The following JADE3 variants were observed in gnomAD, a reference collection of about 807,000 sequenced individuals.
JADE3 encodes the protein jade family PHD finger 3, also known as protein Jade-3.
In JADE3, 2 loss-of-function variants were observed where a neutral mutation model predicts 50.1. The observed-to-expected ratio is 0.04, with a 90% confidence interval of 0.02 to 0.13. JADE3 has a LOEUF of 0.13. JADE3 is among the 10% of genes least tolerant of loss of function. The pLI, the probability that JADE3 is intolerant of heterozygous loss-of-function variation, is 1.00. For synonymous variants in JADE3, 218 were observed against 232.9 expected, an observed-to-expected ratio of 0.94 and a Z score of 0.58; for missense variants, 475 against 634.4, an observed-to-expected ratio of 0.75 and a Z score of 2.70.
At chrX:46,948,116 A>G (rs1449857215) in intron 1 of JADE3, among the ~76,000 whole-genome samples, 2 of 111,977 alleles carry the variant, frequency 1.8e-5, no homozygotes, top group African/African-American at 6.5e-5. Context: ...AGCCTGTGGG[A>G]GTTTTTAAGA....
rs1926907132 is a variant in JADE3, at chrX:46,947,380, G to A, written c.-12+34661G>A. 2.7e-5 allele frequency among the ~76,000 whole-genome samples: 3 copies of A among 111,572 alleles called. 1 individual carries two copies. The Middle Eastern group carries it at 0.014, about 509-fold the overall frequency. The stretch of plus-strand genomic sequence containing the variant: ...TTGAGCCCGGAGGGGTAGATACTTG[G>A]ACATGGACTGTATCTCCTCTGGACC... On this transcript the variant is annotated intron_variant, in intron 1 of 10. Transcript: ENST00000614628.
At chrX:46,948,404 C>G (rs1926929571) in intron 1 of JADE3, among the ~76,000 whole-genome samples, 1 of 112,066 alleles carries the variant, frequency 8.9e-6, no homozygotes, top group Non-Finnish European at 1.9e-5. Context: ...TTGATGCTAA[C>G]TCATGAAATT....
intron 1 of JADE3, among the ~76,000 whole-genome samples, chrX:46,967,303 AT>A (rs1242071981): frequency 3.1e-4 from 35 of 111,900 alleles, no homozygotes; most frequent in African/African-American, 1.1e-3. Context: ...GCTCACAGGT[AT>A]TTTTTTGACA....
At chrX:47,027,190 G>T (rs1928925453) in intron 5 of JADE3, among the ~76,000 whole-genome samples, 1 of 112,282 alleles carries the variant, frequency 8.9e-6, no homozygotes, top group East Asian at 2.8e-4. Context: ...AGTGTGGAAG[G>T]CTAAGATAAA....
Position 46,984,878 on chromosome X carries a change from T to C in JADE3, c.-11-6T>C, listed in dbSNP as rs782167039. ...CTGTTTTATTCAGTGTTTTTCTTTTTCCCAGGATGCTCCAGGATGAAACGC... is the reference window on the plus strand; with the variant it reads ...CTGTTTTATTCAGTGTTTTTCTTTTCCCCAGGATGCTCCAGGATGAAACGC... On this transcript the variant is annotated splice_region_variant and splice_polypyrimidine_tract_variant and intron_variant, in intron 1 of 10. Coordinates refer to ENST00000614628, the MANE Select transcript of JADE3 (RefSeq NM_014735.5). 2 of 1,204,674 alleles carry C rather than the reference T, an allele frequency of 1.7e-6. No homozygotes were observed. The highest frequency in any genetic ancestry group is 1.8e-5 in the South Asian group (1 of 56,770).
At chrX:46,934,996 C>T (rs1926583865) in intron 1 of JADE3, among the ~76,000 whole-genome samples, 1 of 111,520 alleles carries the variant, frequency 9.0e-6, no homozygotes, top group Non-Finnish European at 1.9e-5. Context: ...TACAGTGGTG[C>T]GATCTCAGCA....
intron 1 of JADE3, among the ~76,000 whole-genome samples, chrX:46,945,039 A>G (rs1304846769): frequency 1.9e-5 from 2 of 105,196 alleles, no homozygotes; most frequent in African/African-American, 7.0e-5. Flanking sequence ...TAATTTTTGT[A>G]AAGATGAGAT....
chrX:46,972,101 A>G (rs1927511505), intron 1 of JADE3, among the ~76,000 whole-genome samples: 1 of 112,440 alleles, frequency 8.9e-6, no homozygotes, highest in African/African-American at 3.2e-5. Context: ...AGCATACAGA[A>G]TGGTTTTTAC....
Position 47,019,293 on chromosome X carries a change from G to C in JADE3, c.285-5431G>C, listed in dbSNP as rs1443979135. Among the ~76,000 whole-genome samples the C allele has an allele frequency of 2.7e-5, 3 of 112,094 alleles. No individual in the cohort carries two copies. The Admixed American group carries it at 2.8e-4, about 11-fold the overall frequency. ...TTGTTTTGAGTCATGGAGACTTGGA[G>C]AGAAGTGATTATCCCAGAGTGGTAG... On this transcript the variant is annotated intron_variant, in intron 4 of 10. Transcript: ENST00000614628.
At chrX:47,001,622 A>G (rs1928290357) in intron 4 of JADE3, among the ~76,000 whole-genome samples, 1 of 111,700 alleles carries the variant, frequency 9.0e-6, no homozygotes. Flanking sequence ...GCATGGGTCA[A>G]ACTATGTCTT....
At chrX:47,056,220 G>C (rs782183495) in intron 10 of JADE3, 21 bp downstream of exon 10, 2 of 883,692 alleles carry the variant, frequency 2.3e-6, no homozygotes, top group African/African-American at 2.0e-5. Context: ...TATTTAAAAT[G>C]TCCTAACAAA....
intron 1 of JADE3, among the ~76,000 whole-genome samples, chrX:46,979,873 A>AC (rs1927704861): frequency 1.6e-5 from 1 of 63,137 alleles, no homozygotes; most frequent in South Asian, 7.7e-4. Context: ...ATGTCTGCTG[A>AC]TTTTTTTTTT....
intron 1 of JADE3, among the ~76,000 whole-genome samples, chrX:46,936,842 T>G (rs1926635185): frequency 9.0e-6 from 1 of 111,611 alleles, no homozygotes; most frequent in African/African-American, 3.3e-5. Flanking sequence ...TTGAGTGTTC[T>G]TTTTTGCTTT....
intron 1 of JADE3, among the ~76,000 whole-genome samples, chrX:46,947,851 A>G (rs1412285998): frequency 1.8e-5 from 2 of 111,598 alleles, no homozygotes; most frequent in Non-Finnish European, 3.8e-5. Context: ...GATTTAGTCA[A>G]TATTCTATCA....
At chrX:46,934,362 G>C (rs1003230492) in intron 1 of JADE3, among the ~76,000 whole-genome samples, 1 of 103,769 alleles carries the variant, frequency 9.6e-6, no homozygotes, top group Admixed American at 1.0e-4. Context: ...ACAGTGGCGC[G>C]ATCTCGGCTC....
intron 1 of JADE3, among the ~76,000 whole-genome samples, chrX:46,973,897 A>G (rs1055582210): frequency 4.5e-5 from 5 of 110,863 alleles, no homozygotes; most frequent in Non-Finnish European, 9.4e-5. Flanking sequence ...CCTGACCAAC[A>G]TGACAAAACC....
chrX:46,946,581 T>C (rs1926888661), intron 1 of JADE3, among the ~76,000 whole-genome samples: 2 of 112,311 alleles, frequency 1.8e-5, no homozygotes, highest in African/African-American at 6.5e-5. Context: ...ACCTAGCTCT[T>C]GAGATCTGAT....
At chrX:47,036,076 C>T (rs1929127823) in intron 7 of JADE3, among the ~76,000 whole-genome samples, 2 of 111,043 alleles carry the variant, frequency 1.8e-5, no homozygotes, top group South Asian at 3.8e-4. Flanking sequence ...CCTGGGAGGT[C>T]GAGGCTGCAG....
At chrX:47,009,125 C>A (rs1168605909) in intron 4 of JADE3, among the ~76,000 whole-genome samples, 5 of 110,273 alleles carry the variant, frequency 4.5e-5, no homozygotes, top group Non-Finnish European at 7.6e-5. Flanking sequence ...GAGTTCAAGA[C>A]CAGCTTGGGC....
Sources: gnomAD v4.1 joint callset for allele counts (sites outside exome capture counted in the v4.1 genomes callset) on GRCh38, gnomAD v4.1.1 for gene constraint, MANE v1.5 for transcripts, NCBI Gene and HGNC (gene_info 2026-07-23, HGNC 2026-07-21) for gene names.